NR3C2: variants seen among roughly 807,000 people sequenced by gnomAD.
NR3C2 encodes mineralocorticoid receptor.
NR3C2 carries 15 observed loss-of-function variants against 86.4 expected under a neutral mutation model. The ratio of observed to expected loss-of-function variants is 0.17; its 90% confidence interval spans 0.12 to 0.27. The LOEUF is 0.27. Ranked by LOEUF, NR3C2 falls within the 10% of genes least tolerant of loss-of-function variation. The pLI is 1.00. For missense variants in NR3C2, 960 were observed against 1,195.6 expected (o/e 0.80, Z 2.91); for synonymous variants, 458 against 450.5 (o/e 1.02, Z -0.21).
At chr4:148,105,838 T>C (rs1731772466) in intron 8 of NR3C2, among the ~76,000 whole-genome samples, 1 of 152,158 alleles carries the variant, frequency 6.6e-6, no homozygotes, top group Non-Finnish European at 1.5e-5. Flanking sequence ...CCCTTCATGT[T>C]AAAAACTCTC....
chr4:148,197,053 A>G (rs1736472728), intron 3 of NR3C2, among the ~76,000 whole-genome samples: 1 of 152,252 alleles, frequency 6.6e-6, no homozygotes, highest in Non-Finnish European at 1.5e-5. Flanking sequence ...AGAATTGATA[A>G]AGTGACTTCC....
At chr4:148,332,830 A>G (rs1440747679) in intron 2 of NR3C2, among the ~76,000 whole-genome samples, 1 of 152,194 alleles carries the variant, frequency 6.6e-6, no homozygotes, top group African/African-American at 2.4e-5. Flanking sequence ...TTTTCTTCCA[A>G]AGAGTTCTTT....
intron 6 of NR3C2, among the ~76,000 whole-genome samples, chr4:148,142,389 A>G (rs1001939957): frequency 5.9e-5 from 9 of 152,096 alleles, no homozygotes; most frequent in African/African-American, 1.9e-4. Flanking sequence ...ATCCTAGATC[A>G]CACAGTTTGG....
intron 4 of NR3C2, among the ~76,000 whole-genome samples, chr4:148,163,253 G>A (rs1734742064): frequency 6.6e-6 from 1 of 152,156 alleles, no homozygotes; most frequent in Non-Finnish European, 1.5e-5. Context: ...CAGGCATCCT[G>A]CTTGCCTGAG....
intron 4 of NR3C2, among the ~76,000 whole-genome samples, chr4:148,159,532 T>C (rs1406337567): frequency 6.6e-6 from 1 of 152,224 alleles, no homozygotes; most frequent in Non-Finnish European, 1.5e-5. Context: ...GGCACTATTT[T>C]CATTTTTCAG....
At chr4:148,400,703 G>C (rs1184245409) in intron 2 of NR3C2, among the ~76,000 whole-genome samples, 2 of 147,572 alleles carry the variant, frequency 1.4e-5, no homozygotes, top group South Asian at 4.3e-4. Flanking sequence ...GCATGAACCT[G>C]GGAGGCGGAG....
intron 3 of NR3C2, among the ~76,000 whole-genome samples, chr4:148,247,364 A>C (rs1739367224): frequency 6.6e-6 from 1 of 152,204 alleles, no homozygotes; most frequent in Non-Finnish European, 1.5e-5. Context: ...TCTGATAAAG[A>C]AACTAGCTAC....
At chr4:148,257,059 T>C (rs1739868498) in intron 3 of NR3C2, among the ~76,000 whole-genome samples, 1 of 152,140 alleles carries the variant, frequency 6.6e-6, no homozygotes. Flanking sequence ...TTGTCTGCTC[T>C]CTAGGGATTA....
At chr4:148,318,067 T>C (rs1743312150) in intron 2 of NR3C2, among the ~76,000 whole-genome samples, 1 of 134,762 alleles carries the variant, frequency 7.4e-6, no homozygotes, top group African/African-American at 2.8e-5. Context: ...GATATTCCCC[T>C]TCCTGTGTCC....
chr4:148,134,207 T>C (rs1020514294), intron 6 of NR3C2, among the ~76,000 whole-genome samples: 1 of 152,188 alleles, frequency 6.6e-6, no homozygotes, highest in South Asian at 2.1e-4. Context: ...ACAAAGCAGA[T>C]TTTGTTCAGG....
At chr4:148,176,407 A>G (rs1735375498) in intron 4 of NR3C2, among the ~76,000 whole-genome samples, 1 of 152,224 alleles carries the variant, frequency 6.6e-6, no homozygotes, top group South Asian at 2.1e-4. Context: ...TGCAAGCATC[A>G]GTAGATAGCA....
intron 2 of NR3C2, among the ~76,000 whole-genome samples, chr4:148,402,391 G>T (rs1009350728): frequency 1.3e-5 from 2 of 152,128 alleles, no homozygotes; most frequent in Non-Finnish European, 2.9e-5. Context: ...GTAGGCAGAG[G>T]ATATAATGAA....
At chr4:148,328,399 G>A (rs1184701385) in intron 2 of NR3C2, among the ~76,000 whole-genome samples, 1 of 152,178 alleles carries the variant, frequency 6.6e-6, no homozygotes, top group African/African-American at 2.4e-5. Flanking sequence ...ATTCTTACAA[G>A]GTGGACACAA....
intron 6 of NR3C2, among the ~76,000 whole-genome samples, chr4:148,124,042 C>A (rs1396472942): frequency 6.6e-6 from 1 of 152,178 alleles, no homozygotes; most frequent in African/African-American, 2.4e-5. Flanking sequence ...TGTTCAAGAC[C>A]AGCCTGGCCA....
chr4:148,325,926 T>G (rs1743942358), intron 2 of NR3C2, among the ~76,000 whole-genome samples: 1 of 152,162 alleles, frequency 6.6e-6, no homozygotes, highest in Non-Finnish European at 1.5e-5. Context: ...ATTCTGTAAG[T>G]TTTTAATTTT....
At chr4:148,086,849 T>C (rs1002455555) in intron 8 of NR3C2, among the ~76,000 whole-genome samples, 2 of 152,186 alleles carry the variant, frequency 1.3e-5, no homozygotes, top group East Asian at 1.9e-4. Context: ...ACTGGAAGCA[T>C]TCCCTTCGAA....
chr4:148,296,679 T>C (rs1408621586), intron 2 of NR3C2, among the ~76,000 whole-genome samples: 1 of 152,126 alleles, frequency 6.6e-6, no homozygotes, highest in African/African-American at 2.4e-5. Context: ...AGCTGCCCAT[T>C]TCATTTTATG....
chr4:148,419,607 T>C (rs994393307), intron 2 of NR3C2, among the ~76,000 whole-genome samples: 3 of 152,256 alleles, frequency 2.0e-5, no homozygotes, highest in Admixed American at 6.5e-5. Context: ...ATGAGCTTTT[T>C]AGAATAATAT....
intron 2 of NR3C2, among the ~76,000 whole-genome samples, chr4:148,399,397 A>T (rs1748025010): frequency 6.6e-6 from 1 of 151,778 alleles, no homozygotes; most frequent in Non-Finnish European, 1.5e-5. Context: ...AATACACTAC[A>T]TATTAAATGA....
Sources: gnomAD v4.1 joint callset for allele counts (sites outside exome capture counted in the v4.1 genomes callset) on GRCh38, gnomAD v4.1.1 for gene constraint, MANE v1.5 for transcripts, NCBI Gene and HGNC (gene_info 2026-07-23, HGNC 2026-07-21) for gene names.